The following CAMK1D variants were observed in gnomAD, a reference collection of about 807,000 sequenced individuals.
CAMK1D encodes the protein calcium/calmodulin-dependent protein kinase type 1D.
In CAMK1D, 9 loss-of-function variants were observed where a neutral mutation model predicts 47.7. The observed-to-expected ratio is 0.19, with a 90% CI of 0.11 to 0.33. The LOEUF is 0.33. CAMK1D is among the 10% of genes least tolerant of loss of function. CAMK1D has a pLI of 1.00. For missense variants in CAMK1D, 291 were observed against 488.7 expected (o/e 0.60, Z 3.81); for synonymous variants, 184 against 184.9 (o/e 0.99, Z 0.04).
At chr10:12,458,346 T>G (rs1312272546) in intron 1 of CAMK1D, among the ~76,000 whole-genome samples, 1 of 152,230 alleles carries the variant, frequency 6.6e-6, no homozygotes, top group African/African-American at 2.4e-5. Context: ...GAGTCCATGC[T>G]GAGGCCAGAG....
intron 2 of CAMK1D, among the ~76,000 whole-genome samples, chr10:12,639,654 G>T (rs2132484074): frequency 6.6e-6 from 1 of 152,148 alleles, no homozygotes; most frequent in African/African-American, 2.4e-5. Context: ...TGTTTTCAAG[G>T]AGAGCCTAAT....
At chr10:12,362,597 C>A (rs907936627) in intron 1 of CAMK1D, among the ~76,000 whole-genome samples, 15 of 151,782 alleles carry the variant, frequency 9.9e-5, no homozygotes, top group East Asian at 3.9e-4. Flanking sequence ...TCCCGGGTTC[C>A]CGCCATTCTC....
chr10:12,747,258 C>T (rs1335417230), intron 3 of CAMK1D, among the ~76,000 whole-genome samples: 1 of 152,084 alleles, frequency 6.6e-6, no homozygotes, highest in Non-Finnish European at 1.5e-5. Context: ...TCTTGATCTC[C>T]TGACCTCATG....
At chr10:12,566,007 C>T (rs925862086) in intron 2 of CAMK1D, among the ~76,000 whole-genome samples, 5 of 152,136 alleles carry the variant, frequency 3.3e-5, no homozygotes, top group African/African-American at 1.2e-4. Context: ...AGAATCAGCT[C>T]ATCTGAGTTT....
At chr10:12,610,638 C>G (rs1838591957) in intron 2 of CAMK1D, among the ~76,000 whole-genome samples, 1 of 152,188 alleles carries the variant, frequency 6.6e-6, no homozygotes, top group African/African-American at 2.4e-5. Context: ...GACAAGTGCT[C>G]AGGTCCACTT....
intron 1 of CAMK1D, among the ~76,000 whole-genome samples, chr10:12,466,754 A>T (rs552053491): frequency 6.6e-5 from 10 of 152,116 alleles, no homozygotes; most frequent in Non-Finnish European, 1.0e-4. Context: ...CTTAGGAAGG[A>T]TCTGTGCCTG....
At chr10:12,767,873 A>G (rs529561029) in intron 4 of CAMK1D, among the ~76,000 whole-genome samples, 1 of 152,192 alleles carries the variant, frequency 6.6e-6, no homozygotes, top group Non-Finnish European at 1.5e-5. Context: ...TGAGTTAGTT[A>G]GTTAGTTAGT....
At chr10:12,415,746 G>T (rs938132696) in intron 1 of CAMK1D, among the ~76,000 whole-genome samples, 71 of 139,156 alleles carry the variant, frequency 5.1e-4, no homozygotes, top group Middle Eastern at 3.7e-3. Flanking sequence ...TTAAAATTAC[G>T]TTTTTTTTTT....
chr10:12,695,199 C>G (rs1833234715), intron 3 of CAMK1D, among the ~76,000 whole-genome samples: 1 of 152,096 alleles, frequency 6.6e-6, no homozygotes, highest in Non-Finnish European at 1.5e-5. Flanking sequence ...GATACATTAA[C>G]AAGAAAAGAT....
intron 1 of CAMK1D, among the ~76,000 whole-genome samples, chr10:12,377,734 C>A (rs1251221516): frequency 6.6e-6 from 1 of 152,082 alleles, no homozygotes; most frequent in Non-Finnish European, 1.5e-5. Flanking sequence ...CAGGAGATCG[C>A]ACATGGGAAA....
At chr10:12,490,127 C>T (rs1111372) in intron 1 of CAMK1D, among the ~76,000 whole-genome samples, 6,783 of 152,234 alleles carry the variant, frequency 0.045, 460 homozygotes, top group East Asian at 0.34. Context: ...GTGCAGTCTC[C>T]GAGGGCCTCT....
At chr10:12,387,221 T>C (rs1275899103) in intron 1 of CAMK1D, among the ~76,000 whole-genome samples, 1 of 149,566 alleles carries the variant, frequency 6.7e-6, no homozygotes, top group South Asian at 2.1e-4. Flanking sequence ...AAAAAAAAGT[T>C]ACCGTTACAT....
intron 3 of CAMK1D, among the ~76,000 whole-genome samples, chr10:12,740,213 G>A (rs559709131): frequency 6.6e-6 from 1 of 152,240 alleles, no homozygotes; most frequent in East Asian, 1.9e-4. Context: ...GCACCCAGAG[G>A]CCACCCCATG....
intron 1 of CAMK1D, among the ~76,000 whole-genome samples, chr10:12,420,917 C>A (rs909209456): frequency 6.6e-6 from 1 of 152,300 alleles, no homozygotes; most frequent in Non-Finnish European, 1.5e-5. Flanking sequence ...GCTCCTGCCA[C>A]GTCTGTTCTG....
chr10:12,758,363 T>TA (rs1311637779), intron 3 of CAMK1D, among the ~76,000 whole-genome samples: 3 of 97,932 alleles, frequency 3.1e-5, no homozygotes, highest in Admixed American at 1.2e-4. Context: ...TTATTAGTCA[T>TA]AAAAATATAT....
chr10:12,734,175 A>G (rs1835022953), intron 3 of CAMK1D, among the ~76,000 whole-genome samples: 1 of 150,972 alleles, frequency 6.6e-6, no homozygotes, highest in Admixed American at 6.6e-5. Context: ...TAAAACTACA[A>G]AAAAAGTAGC....
At chr10:12,798,144 C>T (rs751210157) in intron 6 of CAMK1D, among the ~76,000 whole-genome samples, 11 of 152,190 alleles carry the variant, frequency 7.2e-5, no homozygotes, top group Non-Finnish European at 1.2e-4. Flanking sequence ...CCCTGAATGG[C>T]GTGGCTTCAG....
At chr10:12,587,841 C>T (rs1304179782) in intron 2 of CAMK1D, among the ~76,000 whole-genome samples, 1 of 151,860 alleles carries the variant, frequency 6.6e-6, no homozygotes. Flanking sequence ...AGATGTATGA[C>T]CTGTCATCAA....
At chr10:12,483,140 C>T (rs1405143738) in intron 1 of CAMK1D, among the ~76,000 whole-genome samples, 2 of 152,194 alleles carry the variant, frequency 1.3e-5, no homozygotes, top group African/African-American at 4.8e-5. Flanking sequence ...ATATTCTACC[C>T]TGTGGGAGAC....
Sources: allele counts gnomAD v4.1 joint callset (sites outside exome capture counted in the v4.1 genomes callset), GRCh38; gene constraint gnomAD v4.1.1; transcripts MANE v1.5; gene names NCBI Gene and HGNC (gene_info 2026-07-23, HGNC 2026-07-21).